LRP1B: variants seen among roughly 807,000 people sequenced by gnomAD.
LRP1B encodes LDL receptor related protein 1B, also known as low-density lipoprotein receptor-related protein 1B.
In LRP1B, 217 loss-of-function variants were observed where a neutral mutation model predicts 556.6. The observed-to-expected ratio is 0.39, with a 90% CI of 0.35 to 0.44. The LOEUF is 0.44. Ranked by LOEUF, LRP1B falls within the 20% of genes least tolerant of loss-of-function variation. The probability of loss-of-function intolerance (pLI) is 1.00; values close to 1 mark genes in which losing one functional copy is unlikely to be tolerated. For synonymous variants in LRP1B, 2,047 were observed against 1,865.8 expected (o/e 1.10, Z -2.50); for missense variants, 5,053 against 5,620.8 (o/e 0.90, Z 3.23).
chr2:141,450,823 A>C (rs1681392807), intron 3 of LRP1B, among the ~76,000 whole-genome samples: 1 of 152,142 alleles, frequency 6.6e-6, no homozygotes, highest in Non-Finnish European at 1.5e-5. Flanking sequence ...GTCATATACA[A>C]TATATTTATT....
intron 60 of LRP1B, among the ~76,000 whole-genome samples, chr2:140,469,243 C>T (rs891164385): frequency 3.3e-5 from 5 of 152,046 alleles, no homozygotes; most frequent in Admixed American, 6.6e-5. Flanking sequence ...ACTCTATCCT[C>T]GTAAATGGGA....
chr2:140,553,710 T>C (rs981665619), intron 43 of LRP1B, among the ~76,000 whole-genome samples: 6 of 151,946 alleles, frequency 3.9e-5, no homozygotes, highest in African/African-American at 1.2e-4. Context: ...TTAACAAGGA[T>C]TTTTGGAGAG....
At chr2:140,771,632 G>A (rs1689315826) in intron 33 of LRP1B, among the ~76,000 whole-genome samples, 1 of 152,030 alleles carries the variant, frequency 6.6e-6, no homozygotes, top group South Asian at 2.1e-4. Flanking sequence ...ATATTAGTCA[G>A]GTAATCACAG....
chr2:141,070,821 T>G (rs1251875183), intron 7 of LRP1B, among the ~76,000 whole-genome samples: 1 of 152,060 alleles, frequency 6.6e-6, no homozygotes, highest in Non-Finnish European at 1.5e-5. Context: ...GTTGAATCTC[T>G]GAATAGACCA....
intron 5 of LRP1B, among the ~76,000 whole-genome samples, chr2:141,233,272 C>T (rs1014936930): frequency 6.6e-6 from 1 of 152,072 alleles, no homozygotes; most frequent in Non-Finnish European, 1.5e-5. Flanking sequence ...CTTAGAGAAC[C>T]AAGACTTTGG....
intron 2 of LRP1B, among the ~76,000 whole-genome samples, chr2:141,730,230 T>C (rs1693220438): frequency 6.6e-6 from 1 of 151,744 alleles, no homozygotes; most frequent in Non-Finnish European, 1.5e-5. Context: ...GAAGAGGGAG[T>C]CTGGTCTCCA....
chr2:141,231,698 T>C (rs1292804174), intron 5 of LRP1B, among the ~76,000 whole-genome samples: 1 of 146,690 alleles, frequency 6.8e-6, no homozygotes, highest in East Asian at 2.1e-4. Flanking sequence ...GCACCTGCCA[T>C]ACAAGGTATG....
At chr2:142,077,146 T>C (rs1362745848) in intron 1 of LRP1B, among the ~76,000 whole-genome samples, 2 of 152,142 alleles carry the variant, frequency 1.3e-5, no homozygotes, top group African/African-American at 4.8e-5. Flanking sequence ...ACATAATCTC[T>C]TCATCTTTAC....
chr2:141,723,668 GTAT>G (rs1252283161), intron 2 of LRP1B, among the ~76,000 whole-genome samples: 2 of 151,736 alleles, frequency 1.3e-5, no homozygotes, highest in African/African-American at 2.4e-5. Context: ...TTTCTTAAAA[GTAT>G]TATTATTTAA....
At chr2:141,648,138 AT>A (rs1175207996) in intron 2 of LRP1B, among the ~76,000 whole-genome samples, 1 of 152,060 alleles carries the variant, frequency 6.6e-6, no homozygotes, top group African/African-American at 2.4e-5. Flanking sequence ...AAACATAATC[AT>A]CTTGAGTTTT....
chr2:140,847,258 A>C (rs1692300510), intron 29 of LRP1B, among the ~76,000 whole-genome samples: 1 of 152,162 alleles, frequency 6.6e-6, no homozygotes, highest in African/African-American at 2.4e-5. Flanking sequence ...CCTCTTCCAA[A>C]GGCAAAGCTC....
chr2:140,548,047 T>C (rs1680412002), intron 43 of LRP1B, among the ~76,000 whole-genome samples: 1 of 151,500 alleles, frequency 6.6e-6, no homozygotes, highest in African/African-American at 2.4e-5. Context: ...TAAACAAAAA[T>C]TAATGCATAT....
chr2:140,897,827 C>T (rs566259391), intron 23 of LRP1B, among the ~76,000 whole-genome samples: 6 of 152,266 alleles, frequency 3.9e-5, no homozygotes, highest in East Asian at 3.9e-4. Flanking sequence ...GCTGCGCTAT[C>T]GGCTTCCCTA....
At chr2:141,098,971 G>A (rs549636753) in intron 7 of LRP1B, among the ~76,000 whole-genome samples, 1 of 152,250 alleles carries the variant, frequency 6.6e-6, no homozygotes, top group Non-Finnish European at 1.5e-5. Flanking sequence ...GTCTCATTAA[G>A]GCTTTTTAGC....
chr2:140,442,945 G>GA lies in LRP1B; in HGVS notation c.10295-323dup, dbSNP rs1047982228. On this transcript the variant is annotated intron_variant, in intron 65 of 90. Coordinates refer to ENST00000389484, the MANE Select transcript of LRP1B (RefSeq NM_018557.3). ...GACTTTCAAAATAAGTTTTTTTCCA[G>GA]AAAAAAATAAGAATTCATAGGTATA... Among the ~76,000 whole-genome samples the GA allele has an allele frequency of 5.3e-5, 8 of 151,874 alleles. No homozygotes were observed. In the East Asian group the frequency reaches 9.7e-4, roughly 18 times the overall value.
At chr2:141,028,189 C>T (rs778251351) in intron 11 of LRP1B, among the ~76,000 whole-genome samples, 9 of 151,540 alleles carry the variant, frequency 5.9e-5, no homozygotes, top group Non-Finnish European at 1.3e-4. Flanking sequence ...GTAGCATTAC[C>T]TGTAAAAATT....
At chr2:141,341,019 G>A (rs1688037300) in intron 3 of LRP1B, among the ~76,000 whole-genome samples, 1 of 152,138 alleles carries the variant, frequency 6.6e-6, no homozygotes, top group Admixed American at 6.5e-5. Flanking sequence ...TGATGAAAAT[G>A]ATCTAGATTT....
chr2:141,612,463 A>T (rs1451879872), intron 2 of LRP1B, among the ~76,000 whole-genome samples: 1 of 152,200 alleles, frequency 6.6e-6, no homozygotes, highest in Non-Finnish European at 1.5e-5. Flanking sequence ...TGGGCACAAG[A>T]CAAGCTGAAG....
chr2:140,529,571 G>C (rs572634890), intron 47 of LRP1B, among the ~76,000 whole-genome samples: 19 of 152,032 alleles, frequency 1.2e-4, no homozygotes, highest in African/African-American at 4.1e-4. Context: ...TTCTTCTCCA[G>C]CTATGTTTAT....
Sources: gnomAD v4.1 joint callset for allele counts (sites outside exome capture counted in the v4.1 genomes callset) on GRCh38, gnomAD v4.1.1 for gene constraint, MANE v1.5 for transcripts, NCBI Gene and HGNC (gene_info 2026-07-23, HGNC 2026-07-21) for gene names.